RAD54B: variants seen among roughly 807,000 people sequenced by gnomAD.
The protein encoded by RAD54B is RAD54 homolog B.
Under a neutral mutation model 95.8 loss-of-function variants are expected in RAD54B, and 78 were observed. That is an observed-to-expected ratio of 0.81 (90% CI 0.68 to 0.98). RAD54B has a LOEUF of 0.98. Ranked by LOEUF, RAD54B falls within the 50% of genes least tolerant of loss-of-function variation. RAD54B has a pLI of 0.00. For synonymous variants in RAD54B, 328 were observed against 354.9 expected (o/e 0.92, Z 0.85); for missense variants, 957 against 1,056.6 (o/e 0.91, Z 1.31).
intron 3 of RAD54B, among the ~76,000 whole-genome samples, chr8:94,445,510 T>G (rs945267426): frequency 6.6e-6 from 1 of 152,194 alleles, no homozygotes; most frequent in African/African-American, 2.4e-5. Flanking sequence ...CTATTGCCAG[T>G]GGTTACTGAA....
intron 3 of RAD54B, among the ~76,000 whole-genome samples, chr8:94,438,068 G>T (rs988043806): frequency 6.6e-5 from 10 of 152,138 alleles, no homozygotes; most frequent in Non-Finnish European, 1.2e-4. Flanking sequence ...TACTGACCAC[G>T]TATATAAATG....
At chr8:94,394,840 T>A (rs1306247017) in intron 8 of RAD54B, among the ~76,000 whole-genome samples, 1 of 152,182 alleles carries the variant, frequency 6.6e-6, no homozygotes, top group East Asian at 1.9e-4. Flanking sequence ...TTAAGATAGA[T>A]GACATAACTT....
rs1236609220 is a variant in RAD54B at position 94,378,319 on chromosome 8, A to C, written c.2376T>G (p.Val792=). The C allele has an allele frequency of 1.2e-6, 2 of 1,614,060 alleles. No homozygotes were observed. The highest frequency in any genetic ancestry group is 2.2e-5 in the South Asian group (2 of 91,054). Residue 792 remains valine, a synonymous_variant, in exon 14 of 15, where the codon GTT becomes GTG. Transcript: ENST00000336148. ...QISKQGLCGA[V]VDLTKTSEHI... ...GTTCAGATGTCTTGGTGAGGTCGAC[A>C]ACTGCCCCACAAAGACCTTGCTTAC...
chr8:94,447,034 C>T (rs1013269938), intron 3 of RAD54B, among the ~76,000 whole-genome samples: 7 of 151,938 alleles, frequency 4.6e-5, no homozygotes, highest in African/African-American at 1.7e-4. Flanking sequence ...AATCCAATCT[C>T]TAAGAGTTAT....
intron 3 of RAD54B, chr8:94,427,824 CAT>C (rs1191100380): frequency 6.1e-5 from 59 of 961,830 alleles, no homozygotes; most frequent in Non-Finnish European, 7.2e-5. Context: ...GTTATTTAAA[CAT>C]GTGTATTTAA....
chr8:94,393,718 A>T (rs1467801026), intron 9 of RAD54B, 25 bp downstream of exon 9: 9 of 1,523,824 alleles, frequency 5.9e-6, no homozygotes, highest in African/African-American at 1.4e-5. Flanking sequence ...CTTTTTAAAA[A>T]CCTATTTATT....
At chr8:94,418,229 A>G (rs1236719363) in intron 3 of RAD54B, among the ~76,000 whole-genome samples, 1 of 151,996 alleles carries the variant, frequency 6.6e-6, no homozygotes, top group Non-Finnish European at 1.5e-5. Context: ...TTTAAGCTCT[A>G]TCATATTCAA....
intron 7 of RAD54B, 130 bp from the exon 8 acceptor site, chr8:94,399,751 A>C: frequency 3.2e-6 from 4 of 1,247,882 alleles, no homozygotes; most frequent in Non-Finnish European, 4.3e-6. Context: ...TAGTCAACTG[A>C]GGCTGCTATA....
At chr8:94,457,107 AT>A (rs1445445903) in intron 3 of RAD54B, among the ~76,000 whole-genome samples, 1 of 152,190 alleles carries the variant, frequency 6.6e-6, no homozygotes, top group African/African-American at 2.4e-5. Context: ...TCTAAATGTC[AT>A]TTTCTGATGA....
At chr8:94,384,721 T>C (rs1366033279) in intron 11 of RAD54B, among the ~76,000 whole-genome samples, 1 of 152,186 alleles carries the variant, frequency 6.6e-6, no homozygotes, top group Non-Finnish European at 1.5e-5. Flanking sequence ...CTTCAGATAA[T>C]GTGAAGCAAC....
rs777591243 is a variant in RAD54B at position 94,391,887 on chromosome 8, ACTCCTTTT to A, written c.1523_1530del (p.Glu508ValfsTer8). 6.2e-7 allele frequency: 1 copy of A among 1,602,484 alleles called. No homozygotes were observed. Among genetic ancestry groups the A allele is most frequent in the South Asian group, 1.1e-5 (1 of 88,106 alleles). The stretch of plus-strand genomic sequence containing the variant: ...AGTTCAGCTGCTCTTCTTTCTCCTA[ACTCCTTTT>A]CTTCCTATGGAAAAATAGCAGACTT... On this transcript the variant is annotated frameshift_variant, in exon 10 of 15. Coordinates refer to ENST00000336148, the MANE Select transcript of RAD54B (RefSeq NM_012415.3). LOFTEE classifies it high-confidence loss of function.
intron 3 of RAD54B, among the ~76,000 whole-genome samples, chr8:94,441,450 TAAAGGATATTAC>T (rs1378295185): frequency 6.6e-6 from 1 of 152,094 alleles, no homozygotes; most frequent in Non-Finnish European, 1.5e-5. Context: ...CAGTTTATTA[TAAAGGATATTAC>T]AAAGGATACA....
rs371411668 is a variant in RAD54B, at chr8:94,399,407, T to C, written c.1378+7A>G. 2.6e-5 allele frequency: 42 copies of C among 1,609,992 alleles called. No homozygotes were observed. Among genetic ancestry groups the C allele is most frequent in the Non-Finnish European group, 3.3e-5 (39 of 1,177,010 alleles). ...TCCAAAATATCTTCCCCAAACTGAA[T>C]ACTGACCAGTTAGAATTATTCTTTT... On this transcript the variant is annotated splice_region_variant and intron_variant, in intron 8 of 14. Transcript: ENST00000336148.
chr8:94,372,148 G>A lies in RAD54B; in HGVS notation c.*22C>T. On this transcript the variant is annotated 3_prime_UTR_variant, in exon 15 of 15. Coordinates refer to ENST00000336148, the MANE Select transcript of RAD54B (RefSeq NM_012415.3). ...ACTAATTTTCAAAAGAAGAGCAATG[G>A]AATGTCAGAAGTAATCTTTCACTAT... 1 of 1,571,032 alleles carries A rather than the reference G, an allele frequency of 6.4e-7. No homozygotes were observed. Among genetic ancestry groups the A allele is most frequent in the African/African-American group, 1.4e-5 (1 of 72,768 alleles).
intron 3 of RAD54B, chr8:94,430,307 T>C (rs1388213993): frequency 3.4e-6 from 3 of 872,942 alleles, no homozygotes; most frequent in Non-Finnish European, 2.7e-6. Flanking sequence ...CAAGACTCCA[T>C]CTCAAAAAAA....
chr8:94,397,963 G>A (rs1420563381), intron 8 of RAD54B, among the ~76,000 whole-genome samples: 1 of 151,616 alleles, frequency 6.6e-6, no homozygotes, highest in Admixed American at 6.6e-5. Flanking sequence ...CTGCAGCACT[G>A]GAAATCAAGT....
intron 3 of RAD54B, among the ~76,000 whole-genome samples, chr8:94,414,542 G>A (rs1050278057): frequency 6.6e-6 from 1 of 152,112 alleles, no homozygotes; most frequent in African/African-American, 2.4e-5. Context: ...ATGAAGCGTT[G>A]TTGAATTTTG....
intron 5 of RAD54B, among the ~76,000 whole-genome samples, chr8:94,405,574 G>A (rs1281038972): frequency 6.6e-6 from 1 of 152,208 alleles, no homozygotes; most frequent in Non-Finnish European, 1.5e-5. Flanking sequence ...TGTTAGGTAG[G>A]AGACTAGGAA....
chr8:94,387,096 TTA>T lies in RAD54B; in HGVS notation c.1871_1872del (p.Leu624GlnfsTer6), dbSNP rs1308592579. On this transcript the variant is annotated frameshift_variant, in exon 11 of 15. Coordinates refer to ENST00000336148, the MANE Select transcript of RAD54B (RefSeq NM_012415.3). LOFTEE classifies it high-confidence loss of function. ...GGGTTGTAGTCAGCAGGAAACACAC[TTA>T]GCAAGCCTTTGTATAGACTCTTTTC... ...NEEKSLYKGLLSVFPADYNPL... is the reference protein window; with the variant it reads ...NEEKSLYKGLXSVFPADYNPL... 6.2e-7 allele frequency: 1 copy of T among 1,613,162 alleles called. No individual in the cohort carries two copies. Among genetic ancestry groups the T allele is most frequent in the Admixed American group, 1.7e-5 (1 of 59,914 alleles).
Sources: allele counts gnomAD v4.1 joint callset (sites outside exome capture counted in the v4.1 genomes callset), GRCh38; gene constraint gnomAD v4.1.1; transcripts MANE v1.5; gene names NCBI Gene and HGNC (gene_info 2026-07-23, HGNC 2026-07-21).